Variants in MEX3D observed in about 807,000 individuals in gnomAD.
MEX3D encodes the protein RNA-binding protein MEX3D.
Under a neutral mutation model 6.3 loss-of-function variants are expected in MEX3D, and 4 were observed. The observed-to-expected ratio is 0.64, with a 90% confidence interval of 0.31 to 1.46. The LOEUF is 1.46. Ranked by LOEUF, MEX3D falls within the 40% of genes most tolerant of loss-of-function variation. The probability of loss-of-function intolerance (pLI) is 0.07; values close to 1 mark genes in which losing one functional copy is unlikely to be tolerated. For synonymous variants in MEX3D, 626 were observed against 494.1 expected, an observed-to-expected ratio of 1.27 and a Z score of -3.54; for missense variants, 1,038 against 994.4, an observed-to-expected ratio of 1.04 and a Z score of -0.59.
At position 1,567,965 on chromosome 19, in the gene MEX3D, G is replaced by A. The variant is rs1415107781; in HGVS notation, c.94C>T (p.Pro32Ser). 17 of 977,908 alleles carry A rather than the reference G, an allele frequency of 1.7e-5. No individual in the cohort carries two copies. The highest frequency in any genetic ancestry group is 2.1e-5 in the Non-Finnish European group (17 of 826,914). 60.6% of individuals were successfully genotyped at this position (977,908 alleles called of 1,614,324 possible). Reference sequence around the variant, plus strand: ...TGGGCGCCCTCGGGCGGGGGCGCAGGTCCGGGTCCGGGGTCCTCCCCCGCC... The same window carrying A: ...TGGGCGCCCTCGGGCGGGGGCGCAGATCCGGGTCCGGGGTCCTCCCCCGCC... ...GAAGEDPGPG[P>S]APPPEGAQEA... Residue 32 changes from proline (P) to serine (S), a missense_variant, in exon 1 of 2, where the codon CCT (proline) becomes TCT (serine). Physicochemically the swap from Pro to Ser is moderately conservative, Grantham distance 74. Around this residue, in one of 5 missense-constraint regions of MEX3D, gnomAD observed 265 missense variants for 206.3 expected, o/e 1.28. Coordinates refer to ENST00000402693, the MANE Select transcript of MEX3D (RefSeq NM_203304.4). This position sits in a 1 kb window ranked among gnomAD's most constrained non-coding sequence, Gnocchi z 6.5.
chr19:1,559,316 A>G (rs1197158805), intron 1 of MEX3D, among the ~76,000 whole-genome samples: 1 of 152,018 alleles, frequency 6.6e-6, no homozygotes, highest in Admixed American at 6.6e-5. Context: ...TATTTTTAGT[A>G]CAGATGGGAT....
At chr19:1,565,723 G>C (rs149873761) in intron 1 of MEX3D, among the ~76,000 whole-genome samples, 2 of 152,144 alleles carry the variant, frequency 1.3e-5, no homozygotes, top group African/African-American at 4.8e-5. Context: ...CCTTGCTGAC[G>C]GCCACCAGCA....
At chr19:1,562,260 CAAA>C (rs34005757) in intron 1 of MEX3D, among the ~76,000 whole-genome samples, 1 of 99,822 alleles carries the variant, frequency 1.0e-5, no homozygotes, top group Admixed American at 1.0e-4. Flanking sequence ...GACTCCGTCT[CAAA>C]AAAAAAAAAA....
chr19:1,564,573 G>A (rs1019358511), intron 1 of MEX3D, among the ~76,000 whole-genome samples: 1 of 151,642 alleles, frequency 6.6e-6, no homozygotes, highest in African/African-American at 2.4e-5. Context: ...TGAATGAACT[G>A]GAGCCTCCAG....
At position 1,556,950 on chromosome 19, in the gene MEX3D, G is replaced by A. The variant is rs745448266; in HGVS notation, c.596-27C>T. 9.5e-6 allele frequency: 15 copies of A among 1,571,230 alleles called. No homozygotes were observed. Among genetic ancestry groups the A allele is most frequent in the Non-Finnish European group, 1.2e-5 (14 of 1,163,274 alleles). On this transcript the variant is annotated intron_variant, in intron 1 of 1. Coordinates refer to ENST00000402693, the MANE Select transcript of MEX3D (RefSeq NM_203304.4). This position sits in a 1 kb window ranked among gnomAD's most constrained non-coding sequence, Gnocchi z 7.5. The stretch of plus-strand genomic sequence containing the variant: ...TGTCCGGGAGGGAGGGGAAGGACAA[G>A]GTGACCCAGAGCCCCCTGCGCAGCT...
intron 1 of MEX3D, among the ~76,000 whole-genome samples, chr19:1,558,882 A>C (rs561094065): frequency 9.9e-5 from 15 of 151,618 alleles, no homozygotes; most frequent in Non-Finnish European, 1.8e-4. Context: ...TCAGTGTGGG[A>C]GGCAGGGCTC....
chr19:1,560,668 C>T (rs1481877182), intron 1 of MEX3D, among the ~76,000 whole-genome samples: 5 of 152,148 alleles, frequency 3.3e-5, no homozygotes, highest in South Asian at 2.1e-4. Flanking sequence ...ACGCGTGCGT[C>T]GGGGCAGGGG....
rs1387547580 is a variant in MEX3D, at chr19:1,556,022, G to A, written c.1497C>T (p.Ala499=). 7 of 1,251,736 alleles carry A rather than the reference G, an allele frequency of 5.6e-6. No homozygotes were observed. The East Asian group carries it at 1.5e-4, about 28-fold the overall frequency. 77.5% of individuals were successfully genotyped at this position (1,251,736 alleles called of 1,614,324 possible). The change falls in exon 2 of 2, where the codon GCC becomes GCT. Residue 499 remains alanine (A), a synonymous_variant. Transcript: ENST00000402693. The surrounding 1 kb of genome is among the most constrained non-coding windows in gnomAD (Gnocchi z 7.5). ...STVNGAPGPP[A]AGARRSSGAG... ...CCCCACTGCTGCGCCGGGCGCCGGCGGCGGGAGGTCCCGGGGCTCCGTTGA... is the reference window on the plus strand; with the variant it reads ...CCCCACTGCTGCGCCGGGCGCCGGCAGCGGGAGGTCCCGGGGCTCCGTTGA...
At position 1,555,308 on chromosome 19, in the gene MEX3D, C is replaced by A; in HGVS notation, c.*255G>T. The A allele has an allele frequency of 6.3e-7, 1 of 1,587,742 alleles. No homozygotes were observed. ...AAAAGTGCAAGCGGACCTTTTCTCT[C>A]CGGTTTATTGTAACCTGACCACTCA... On this transcript the variant is annotated 3_prime_UTR_variant, in exon 2 of 2. Coordinates refer to ENST00000402693, the MANE Select transcript of MEX3D (RefSeq NM_203304.4).
Position 1,556,427 on chromosome 19 carries a change from G to A in MEX3D, c.1092C>T (p.Asp364=), listed in dbSNP as rs768888048. ...AGAGGCTGGCGGCCGCCCCGAGCAG[G>A]TCCAGGCAGACGTCGGTGCCGTTGG... ...FHANGTDVCL[D]LLGAAASLWA... Residue 364 remains aspartate, a synonymous_variant, in exon 2 of 2, where the codon GAC becomes GAT. Transcript: ENST00000402693. The surrounding 1 kb of genome is among the most constrained non-coding windows in gnomAD (Gnocchi z 7.5). The A allele has an allele frequency of 5.6e-6, 9 of 1,594,040 alleles. No homozygotes were observed. The highest frequency in any genetic ancestry group is 7.7e-6 in the Non-Finnish European group (9 of 1,176,362).
At chr19:1,561,841 CTTA>C (rs993625739) in intron 1 of MEX3D, among the ~76,000 whole-genome samples, 2 of 151,752 alleles carry the variant, frequency 1.3e-5, no homozygotes, top group African/African-American at 4.8e-5. Context: ...GAGACAGGGT[CTTA>C]TTATGTTGCC....
intron 1 of MEX3D, among the ~76,000 whole-genome samples, chr19:1,558,761 G>A (rs937503716): frequency 5.9e-5 from 9 of 152,188 alleles, no homozygotes; most frequent in African/African-American, 1.9e-4. Context: ...GCAGACGCCC[G>A]CACCCTGACT....
rs1221991109 is a variant in MEX3D, at chr19:1,567,335, G to C, written c.595+129C>G. The C allele has an allele frequency of 1.8e-6, 2 of 1,104,592 alleles. No homozygotes were observed. The highest frequency in any genetic ancestry group is 2.4e-6 in the Non-Finnish European group (2 of 848,400). 68.4% of individuals were successfully genotyped at this position (1,104,592 alleles called of 1,614,324 possible). ...AGGCGCAAAGGCAGCGGCCGAGGCC[G>C]GAGCCCACGCGGGGCGTGTCCGGTG... On this transcript the variant is annotated intron_variant, in intron 1 of 1. Transcript: ENST00000402693. This position sits in a 1 kb window ranked among gnomAD's most constrained non-coding sequence, Gnocchi z 6.5.
At chr19:1,561,720 T>C (rs979002313) in intron 1 of MEX3D, among the ~76,000 whole-genome samples, 1 of 152,062 alleles carries the variant, frequency 6.6e-6, no homozygotes, top group Non-Finnish European at 1.5e-5. Context: ...CACAGCTCAC[T>C]GCAGCCTTGA....
chr19:1,556,941 G>A lies in MEX3D; in HGVS notation c.596-18C>T. ...CTTGCAGCCTGTCCGGGAGGGAGGG[G>A]AAGGACAAGGTGACCCAGAGCCCCC... On this transcript the variant is annotated intron_variant, in intron 1 of 1. Coordinates refer to ENST00000402693, the MANE Select transcript of MEX3D (RefSeq NM_203304.4). The surrounding 1 kb of genome is among the most constrained non-coding windows in gnomAD (Gnocchi z 7.5). 2 of 1,579,698 alleles carry A rather than the reference G, an allele frequency of 1.3e-6. No individual in the cohort carries two copies. Among genetic ancestry groups the A allele is most frequent in the Non-Finnish European group, 1.7e-6 (2 of 1,166,476 alleles).
At chr19:1,566,363 G>C (rs933981974) in intron 1 of MEX3D, among the ~76,000 whole-genome samples, 4 of 152,214 alleles carry the variant, frequency 2.6e-5, no homozygotes, top group Non-Finnish European at 5.9e-5. Flanking sequence ...GCGGAGGGGA[G>C]GGCGCCCTGG....
chr19:1,557,936 C>A (rs1188117248), intron 1 of MEX3D, among the ~76,000 whole-genome samples: 2 of 141,280 alleles, frequency 1.4e-5, no homozygotes, highest in Non-Finnish European at 3.0e-5. Flanking sequence ...GCCTGTAATC[C>A]CAGCCACTGG....
At chr19:1,557,885 A>G (rs1914616158) in intron 1 of MEX3D, among the ~76,000 whole-genome samples, 1 of 142,546 alleles carries the variant, frequency 7.0e-6, no homozygotes, top group African/African-American at 2.6e-5. Context: ...AAAAAAAAAA[A>G]AAAAAAAAAA....
intron 1 of MEX3D, among the ~76,000 whole-genome samples, chr19:1,560,390 G>T (rs1914687131): frequency 6.6e-6 from 1 of 152,246 alleles, no homozygotes; most frequent in Non-Finnish European, 1.5e-5. Context: ...AAGTGAGCCT[G>T]TTCCCCATCA....
Sources: allele counts gnomAD v4.1 joint callset (sites outside exome capture counted in the v4.1 genomes callset), GRCh38; gene constraint gnomAD v4.1.1; regional missense constraint gnomAD v4.1.1; non-coding constraint Gnocchi (gnomAD v3.1); transcripts MANE v1.5; gene names NCBI Gene and HGNC (gene_info 2026-07-23, HGNC 2026-07-21).